Variants in GPC5 observed in about 807,000 individuals in gnomAD.
The protein encoded by GPC5 is glypican 5.
A neutral mutation model predicts 53.9 loss-of-function variants in GPC5; 47 were observed. The observed-to-expected ratio is 0.87, with a 90% CI of 0.69 to 1.11. The LOEUF is 1.11. Ranked by LOEUF, GPC5 falls within the 50% of genes most tolerant of loss-of-function variation. The pLI is 0.00. For synonymous variants in GPC5, 286 were observed against 263.3 expected (o/e 1.09, Z -0.84); for missense variants, 748 against 713.1 (o/e 1.05, Z -0.56).
chr13:92,335,078 G>A (rs992070652), intron 7 of GPC5, among the ~76,000 whole-genome samples: 1 of 152,026 alleles, frequency 6.6e-6, no homozygotes, highest in African/African-American at 2.4e-5. Flanking sequence ...GGGTTGGGGG[G>A]GACTCCAACC....
chr13:91,540,333 G>T (rs772311621), intron 2 of GPC5, among the ~76,000 whole-genome samples: 1 of 152,174 alleles, frequency 6.6e-6, no homozygotes, highest in African/African-American at 2.4e-5. Flanking sequence ...CTCTGGCCAG[G>T]CCTTAGAATT....
At chr13:91,696,287 T>G (rs2035878009) in intron 3 of GPC5, among the ~76,000 whole-genome samples, 1 of 152,216 alleles carries the variant, frequency 6.6e-6, no homozygotes, top group African/African-American at 2.4e-5. Context: ...AGTGCTCTTT[T>G]TAAAATAGTC....
rs140928300 is a variant in GPC5 at position 92,578,243 on chromosome 13, A to G, written c.1562-288039A>G. Among the ~76,000 whole-genome samples the G allele has an allele frequency of 1.8e-3, 280 of 152,310 alleles. 1 individual carries two copies. The highest frequency in any genetic ancestry group is 6.6e-3 in the African/African-American group (274 of 41,576). On this transcript the variant is annotated intron_variant, in intron 7 of 7. Coordinates refer to ENST00000377067, the MANE Select transcript of GPC5 (RefSeq NM_004466.6). ...AAACCCTTTTATGTGTGTTAGCCCC[A>G]GATAGCACTAAAAGTATGCAACTCA... is the stretch of plus-strand genomic sequence containing the variant.
intron 7 of GPC5, among the ~76,000 whole-genome samples, chr13:92,528,226 G>A (rs536826328): frequency 5.3e-5 from 8 of 152,076 alleles, no homozygotes; most frequent in South Asian, 2.1e-4. Context: ...TCTGCTACCC[G>A]TTATTTCTAT....
At chr13:91,498,982 G>A (rs12877096) in intron 2 of GPC5, among the ~76,000 whole-genome samples, 1 of 140,520 alleles carries the variant, frequency 7.1e-6, no homozygotes, top group Non-Finnish European at 1.6e-5. Context: ...CAAAAAAAAA[G>A]AAAAAAGGAA....
chr13:92,425,202 T>C (rs1051233127), intron 7 of GPC5, among the ~76,000 whole-genome samples: 13 of 152,110 alleles, frequency 8.5e-5, no homozygotes, highest in African/African-American at 3.1e-4. Context: ...AAAAGACCTT[T>C]ATTTATAAAA....
intron 6 of GPC5, among the ~76,000 whole-genome samples, chr13:92,008,669 T>G (rs2040632892): frequency 6.6e-6 from 1 of 152,220 alleles, no homozygotes; most frequent in African/African-American, 2.4e-5. Context: ...GCAGTAATTC[T>G]TGTCTCCGTG....
intron 7 of GPC5, among the ~76,000 whole-genome samples, chr13:92,325,286 C>G (rs920142656): frequency 2.0e-5 from 3 of 151,934 alleles, no homozygotes; most frequent in Admixed American, 2.0e-4. Context: ...AAGGGACAGT[C>G]AATGCCTTTA....
chr13:92,606,158 T>C (rs1239200317), intron 7 of GPC5, among the ~76,000 whole-genome samples: 2 of 152,150 alleles, frequency 1.3e-5, no homozygotes, highest in Non-Finnish European at 2.9e-5. Flanking sequence ...TACATATGTA[T>C]ACATGTGCCA....
chr13:92,211,456 A>G (rs764879863), intron 7 of GPC5, among the ~76,000 whole-genome samples: 3 of 152,202 alleles, frequency 2.0e-5, no homozygotes, highest in Non-Finnish European at 2.9e-5. Context: ...AATCAAAACC[A>G]ACTGTGGTTC....
At chr13:91,893,769 CT>C (rs944796349) in intron 5 of GPC5, among the ~76,000 whole-genome samples, 5 of 151,876 alleles carry the variant, frequency 3.3e-5, no homozygotes, top group African/African-American at 9.7e-5. Flanking sequence ...CCCCTACCTC[CT>C]TTTTTTTCAT....
At chr13:92,092,774 G>C (rs1193375175) in intron 6 of GPC5, among the ~76,000 whole-genome samples, 1 of 152,004 alleles carries the variant, frequency 6.6e-6, no homozygotes, top group African/African-American at 2.4e-5. Flanking sequence ...GGACAATAAT[G>C]GTTCTCATAC....
chr13:91,847,502 G>C (rs1157633254), intron 5 of GPC5, among the ~76,000 whole-genome samples: 2 of 152,126 alleles, frequency 1.3e-5, no homozygotes, highest in Non-Finnish European at 2.9e-5. Flanking sequence ...CCTCTCAGCT[G>C]CTGAGTGTTA....
rs562342137 is a variant in GPC5, at chr13:91,491,644, C to T, written c.325+42722C>T. On this transcript the variant is annotated intron_variant, in intron 2 of 7. Transcript: ENST00000377067. ...TCCAGAAGTCAGCAGGACTTCTTGC[C>T]CTTGCTCCTGAAGCTCTAGGGGACA... is the stretch of plus-strand genomic sequence containing the variant. Among the ~76,000 whole-genome samples the T allele has an allele frequency of 7.2e-5, 11 of 152,156 alleles. No individual in the cohort carries two copies. In the South Asian group the frequency reaches 2.3e-3, roughly 32 times the overall value.
chr13:92,604,579 A>T (rs1884189359), intron 7 of GPC5, among the ~76,000 whole-genome samples: 1 of 152,224 alleles, frequency 6.6e-6, no homozygotes, highest in Non-Finnish European at 1.5e-5. Flanking sequence ...TGCGTAGATT[A>T]ATTTCAGACC....
chr13:91,873,530 C>T (rs761740105), intron 5 of GPC5, among the ~76,000 whole-genome samples: 66 of 152,170 alleles, frequency 4.3e-4, no homozygotes, highest in Non-Finnish European at 6.6e-4. Context: ...GTTTTAAAAA[C>T]GAGAGTCCCC....
intron 7 of GPC5, among the ~76,000 whole-genome samples, chr13:92,558,389 A>G (rs568999689): frequency 6.6e-6 from 1 of 152,024 alleles, no homozygotes; most frequent in African/African-American, 2.4e-5. Flanking sequence ...TTATTTTGTA[A>G]TTTTTTTGCA....
At chr13:91,471,098 G>T (rs960296218) in intron 2 of GPC5, among the ~76,000 whole-genome samples, 1 of 152,164 alleles carries the variant, frequency 6.6e-6, no homozygotes, top group Non-Finnish European at 1.5e-5. Context: ...GGTTAAAGGT[G>T]CCGGTTATGG....
At chr13:92,803,868 C>T (rs1186829492) in intron 7 of GPC5, among the ~76,000 whole-genome samples, 1 of 151,932 alleles carries the variant, frequency 6.6e-6, no homozygotes, top group African/African-American at 2.4e-5. Context: ...CATCACACTT[C>T]ACTTCTCCCC....
Sources: gnomAD v4.1 joint callset for allele counts (sites outside exome capture counted in the v4.1 genomes callset) on GRCh38, gnomAD v4.1.1 for gene constraint, MANE v1.5 for transcripts, NCBI Gene and HGNC (gene_info 2026-07-23, HGNC 2026-07-21) for gene names.